Variants in KCNH1 observed in about 807,000 individuals in gnomAD.
KCNH1 encodes the protein voltage-gated delayed rectifier potassium channel KCNH1.
KCNH1 carries 27 observed loss-of-function variants against 69.2 expected under a neutral mutation model. The observed-to-expected ratio is 0.39, with a 90% CI of 0.29 to 0.54. The LOEUF (loss-of-function observed/expected upper bound fraction) is 0.54, where lower values mean the gene tolerates loss of function less well. Ranked by LOEUF, KCNH1 falls within the 20% of genes least tolerant of loss-of-function variation. KCNH1 has a pLI of 0.68. For missense variants in KCNH1, 798 were observed against 1,261.6 expected, an observed-to-expected ratio of 0.63 and a Z score of 5.57; for synonymous variants, 456 against 487.7, an observed-to-expected ratio of 0.93 and a Z score of 0.86.
In KCNH1 at chr1:210,874,116, G is replaced by A. The variant is rs138345359; in HGVS notation, c.1462+45524C>T. Among the ~76,000 whole-genome samples, 745 of 152,230 alleles carry A rather than the reference G, an allele frequency of 4.9e-3. 5 individuals are homozygous for A. Among genetic ancestry groups the A allele is most frequent in the African/African-American group, 0.017 (697 of 41,546 alleles). On this transcript the variant is annotated intron_variant, in intron 7 of 10. Transcript: ENST00000271751. ...TGGAAAAGTTTCTTCACTTTTAAAA[G>A]GAGTCAAAGAAAAAAAAAGTCTTCT...
At chr1:210,827,338 A>C (rs1685053347) in intron 7 of KCNH1, among the ~76,000 whole-genome samples, 1 of 115,696 alleles carries the variant, frequency 8.6e-6, no homozygotes, top group Non-Finnish European at 1.9e-5. Flanking sequence ...CTCAAAAAAC[A>C]GAAAAAGAAA....
At chr1:211,037,392 A>G (rs1689917324) in intron 5 of KCNH1, among the ~76,000 whole-genome samples, 1 of 152,148 alleles carries the variant, frequency 6.6e-6, no homozygotes, top group Non-Finnish European at 1.5e-5. Flanking sequence ...TTATTTTACA[A>G]ATTAGGAAAA....
chr1:210,742,972 GGAA>G (rs763391772), intron 10 of KCNH1, among the ~76,000 whole-genome samples: 1 of 152,044 alleles, frequency 6.6e-6, no homozygotes, highest in Non-Finnish European at 1.5e-5. Context: ...TATTCCAGCA[GGAA>G]GAGAGAAAAG....
rs541588088 is a variant in KCNH1 at position 211,105,167 on chromosome 1, C to T, written c.204-1565G>A. Among the ~76,000 whole-genome samples, 7 of 152,262 alleles carry T rather than the reference C, an allele frequency of 4.6e-5. No individual in the cohort carries two copies. The South Asian group carries it at 1.0e-3, about 23-fold the overall frequency. ...TACTCTTTGTCTATAAGCCAGGAAA[C>T]GGAAAACTGAGCTTGTTAAATTATC... is the stretch of plus-strand genomic sequence containing the variant. On this transcript the variant is annotated intron_variant, in intron 2 of 10. Transcript: ENST00000271751.
chr1:210,851,384 A>G (rs1476773312), intron 7 of KCNH1, among the ~76,000 whole-genome samples: 1 of 152,254 alleles, frequency 6.6e-6, no homozygotes, highest in Non-Finnish European at 1.5e-5. Flanking sequence ...TGTTCTTAAA[A>G]TAAATGTCAC....
chr1:210,683,340 A>G lies in KCNH1; in HGVS notation c.2911T>C (p.Phe971Leu), dbSNP rs1681319929. ...RRSSQSPQEL[F>L]EISRPQSPES... ...GGGGACTGTGGCCTCGATATTTCAA[A>G]CAACTCCTGAGGAGACTGAGAGGAT... Residue 971 changes from phenylalanine (F) to leucine (L), a missense_variant, in exon 11 of 11, where the codon TTT (phenylalanine) becomes CTT (leucine). Physicochemically the swap from Phe to Leu is conservative, Grantham distance 22 (BLOSUM62 0). Transcript: ENST00000271751. The surrounding 1 kb of genome is among the most constrained non-coding windows in gnomAD (Gnocchi z 5.7). 5 of 1,614,052 alleles carry G rather than the reference A, an allele frequency of 3.1e-6. No individual in the cohort carries two copies. The highest frequency in any genetic ancestry group is 4.2e-6 in the Non-Finnish European group (5 of 1,180,020).
chr1:210,943,364 T>A (rs1449086676), intron 6 of KCNH1, among the ~76,000 whole-genome samples: 3 of 152,134 alleles, frequency 2.0e-5, no homozygotes, highest in Admixed American at 2.0e-4. Flanking sequence ...TATTTATTTT[T>A]TTGAGATGGA....
intron 5 of KCNH1, among the ~76,000 whole-genome samples, chr1:211,053,130 T>C (rs543535266): frequency 2.6e-5 from 4 of 152,256 alleles, no homozygotes; most frequent in Admixed American, 6.5e-5. Context: ...TGTGATTAGA[T>C]AGGCAGTGTA....
Position 211,033,749 on chromosome 1 carries a change from C to A in KCNH1, c.559-14493G>T, listed in dbSNP as rs1689838924. Among the ~76,000 whole-genome samples, 6 of 151,906 alleles carry A rather than the reference C, an allele frequency of 3.9e-5. No homozygotes were observed. In the South Asian group the frequency reaches 1.3e-3, roughly 32 times the overall value. On this transcript the variant is annotated intron_variant, in intron 5 of 10. Transcript: ENST00000271751. ...TGGACACAGGAAGGGGAACATCACA[C>A]ACCGGGGCCTGTTGTGGGGTGGGGG...
At chr1:211,084,176 G>A (rs1454939798) in intron 4 of KCNH1, among the ~76,000 whole-genome samples, 1 of 152,086 alleles carries the variant, frequency 6.6e-6, no homozygotes, top group African/African-American at 2.4e-5. Flanking sequence ...ACTCTGTAGG[G>A]GTCTTTGACA....
chr1:210,817,549 C>A (rs1179259686), intron 7 of KCNH1, among the ~76,000 whole-genome samples: 1 of 152,114 alleles, frequency 6.6e-6, no homozygotes, highest in Non-Finnish European at 1.5e-5. Flanking sequence ...GAAGAAAACA[C>A]CCAGGCAGGT....
intron 9 of KCNH1, among the ~76,000 whole-genome samples, chr1:210,781,785 A>G (rs540239549): frequency 6.6e-6 from 1 of 152,320 alleles, no homozygotes; most frequent in African/African-American, 2.4e-5. Context: ...ACTGCCCTCA[A>G]CACGTTTTCC....
intron 7 of KCNH1, among the ~76,000 whole-genome samples, chr1:210,912,430 G>A (rs1397920851): frequency 1.3e-5 from 2 of 152,202 alleles, no homozygotes; most frequent in South Asian, 2.1e-4. Flanking sequence ...TCTAAGGAAC[G>A]TCATATCCAG....
intron 10 of KCNH1, among the ~76,000 whole-genome samples, chr1:210,741,038 A>G (rs17188534): frequency 0.021 from 3,168 of 152,276 alleles, 76 homozygotes; most frequent in Admixed American, 0.067. Context: ...TCAAGTCTCT[A>G]AAAGGACTAA....
chr1:211,120,074 G>C (rs1691658940), intron 1 of KCNH1, among the ~76,000 whole-genome samples: 1 of 151,966 alleles, frequency 6.6e-6, no homozygotes, highest in Non-Finnish European at 1.5e-5. Flanking sequence ...TTTTACTTAA[G>C]AAATAAGAGA....
chr1:210,739,352 G>T (rs145566544), intron 10 of KCNH1, among the ~76,000 whole-genome samples: 1 of 152,214 alleles, frequency 6.6e-6, no homozygotes, highest in South Asian at 2.1e-4. Context: ...AGTAGGGTCA[G>T]TTATCTTGCT....
chr1:211,043,428 A>C (rs1028710499), intron 5 of KCNH1, among the ~76,000 whole-genome samples: 1 of 152,196 alleles, frequency 6.6e-6, no homozygotes, highest in Non-Finnish European at 1.5e-5. Flanking sequence ...CCCTAAACAG[A>C]TGAATAACAA....
chr1:210,724,106 T>A (rs866859121), intron 10 of KCNH1, among the ~76,000 whole-genome samples: 1 of 152,192 alleles, frequency 6.6e-6, no homozygotes, highest in South Asian at 2.1e-4. Flanking sequence ...GATTTTATCC[T>A]CACAATATGT....
chr1:211,132,901 C>G (rs1391052119), intron 1 of KCNH1: 1 of 152,174 alleles, frequency 6.6e-6, no homozygotes. Flanking sequence ...TGCCAGGACT[C>G]CTAGTCGCTC....
Sources: allele counts gnomAD v4.1 joint callset (sites outside exome capture counted in the v4.1 genomes callset), GRCh38; gene constraint gnomAD v4.1.1; non-coding constraint Gnocchi (gnomAD v3.1); transcripts MANE v1.5; gene names NCBI Gene and HGNC (gene_info 2026-07-23, HGNC 2026-07-21).